MICU1: variants seen among roughly 807,000 people sequenced by gnomAD.
The protein encoded by MICU1 is calcium uptake protein 1, mitochondrial.
In MICU1, 45 loss-of-function variants were observed where a neutral mutation model predicts 56.8. The observed-to-expected ratio is 0.79, with a 90% CI of 0.62 to 1.02. The LOEUF is 1.02. MICU1 is among the 50% of genes least tolerant of loss of function. MICU1 has a pLI of 0.00. For missense variants in MICU1, 504 were observed against 587.1 expected, an observed-to-expected ratio of 0.86 and a Z score of 1.46; for synonymous variants, 186 against 195.1, an observed-to-expected ratio of 0.95 and a Z score of 0.39.
intron 3 of MICU1, among the ~76,000 whole-genome samples, chr10:72,557,476 A>G (rs1252682830): frequency 6.6e-6 from 1 of 152,244 alleles, no homozygotes; most frequent in Non-Finnish European, 1.5e-5. Flanking sequence ...TCAAGGCTCA[A>G]GATCACATTT....
intron 8 of MICU1, among the ~76,000 whole-genome samples, chr10:72,460,057 T>C (rs1865597093): frequency 6.6e-6 from 1 of 152,222 alleles, no homozygotes; most frequent in Non-Finnish European, 1.5e-5. Context: ...TTTACAGTGT[T>C]GCTAGAGTGA....
intron 6 of MICU1, among the ~76,000 whole-genome samples, chr10:72,507,738 C>T (rs912215898): frequency 6.6e-6 from 1 of 152,020 alleles, no homozygotes; most frequent in Non-Finnish European, 1.5e-5. Flanking sequence ...CTCCGCCTCC[C>T]AGGCTCAGGC....
chr10:72,569,220 TATATATA>T (rs1169792172), intron 1 of MICU1, among the ~76,000 whole-genome samples: 15 of 40,978 alleles, frequency 3.7e-4, no homozygotes, highest in Non-Finnish European at 4.7e-4. Context: ...TATATATATA[TATATATA>T]TATATATATA....
intron 5 of MICU1, among the ~76,000 whole-genome samples, chr10:72,520,144 C>A (rs1257131851): frequency 1.3e-5 from 2 of 151,986 alleles, no homozygotes; most frequent in Non-Finnish European, 2.9e-5. Context: ...TTCCAAATGA[C>A]AAATAGTATT....
intron 10 of MICU1, among the ~76,000 whole-genome samples, chr10:72,376,886 T>TTA (rs1420364597): frequency 2.0e-5 from 3 of 150,868 alleles, no homozygotes; most frequent in African/African-American, 2.4e-5. Flanking sequence ...ATTTTTATAT[T>TTA]TATATATATA....
chr10:72,564,139 G>A (rs746278741), intron 2 of MICU1, among the ~76,000 whole-genome samples: 3 of 152,108 alleles, frequency 2.0e-5, no homozygotes, highest in Non-Finnish European at 4.4e-5. Context: ...CCATAATGGA[G>A]CAAACGATAA....
intron 8 of MICU1, among the ~76,000 whole-genome samples, chr10:72,426,299 C>T (rs577378212): frequency 1.3e-5 from 2 of 152,270 alleles, no homozygotes; most frequent in East Asian, 3.9e-4. Context: ...AGATTACAGG[C>T]GTGAGCCACT....
At chr10:72,375,761 G>A (rs1862496205) in intron 11 of MICU1, 22 bp downstream of exon 11, 1 of 1,605,776 alleles carries the variant, frequency 6.2e-7, no homozygotes, top group Non-Finnish European at 8.5e-7. Context: ...TTCCCCTCCG[G>A]GCTCCAGAGG....
chr10:72,610,819 T>C (rs1273655274), intron 1 of MICU1, among the ~76,000 whole-genome samples: 1 of 152,104 alleles, frequency 6.6e-6, no homozygotes, highest in Non-Finnish European at 1.5e-5. Context: ...TGGAGGAGGT[T>C]AGAGGGTGAA....
chr10:72,618,260 T>C (rs1305989900), intron 1 of MICU1, among the ~76,000 whole-genome samples: 1 of 152,132 alleles, frequency 6.6e-6, no homozygotes, highest in Non-Finnish European at 1.5e-5. Context: ...CTAAAAATAA[T>C]TGCATACCTT....
intron 8 of MICU1, among the ~76,000 whole-genome samples, chr10:72,441,521 G>T (rs1398122105): frequency 7.0e-6 from 1 of 142,848 alleles, no homozygotes. Context: ...AACCTGCATT[G>T]TGCACATGTA....
chr10:72,480,229 T>A (rs902481809), intron 6 of MICU1, among the ~76,000 whole-genome samples: 4 of 152,000 alleles, frequency 2.6e-5, no homozygotes, highest in African/African-American at 9.7e-5. Flanking sequence ...CTGTGATGAG[T>A]TGAGAGTGAA....
chr10:72,621,302 A>G (rs1234173491), intron 1 of MICU1, among the ~76,000 whole-genome samples: 2 of 152,240 alleles, frequency 1.3e-5, no homozygotes, highest in African/African-American at 2.4e-5. Context: ...AGACTGACCA[A>G]CATGGTGAAA....
At chr10:72,605,014 T>A (rs3009538) in intron 1 of MICU1, among the ~76,000 whole-genome samples, 1 of 151,966 alleles carries the variant, frequency 6.6e-6, no homozygotes, top group Non-Finnish European at 1.5e-5. Flanking sequence ...GTACAATGCC[T>A]AACATGCAGC....
chr10:72,592,650 G>A (rs923442293), intron 1 of MICU1, among the ~76,000 whole-genome samples: 9 of 152,026 alleles, frequency 5.9e-5, no homozygotes, highest in Non-Finnish European at 7.4e-5. Context: ...TTTATTCCTA[G>A]AATCCAAGGA....
intron 8 of MICU1, among the ~76,000 whole-genome samples, chr10:72,427,733 A>AATAAATATATATATAT (rs1241632825): frequency 3.1e-4 from 42 of 136,318 alleles, no homozygotes; most frequent in East Asian, 2.6e-3. Flanking sequence ...CCATCTCTAA[A>AATAAATATATATATAT]ATATATATAT....
In MICU1 at chr10:72,601,852, T is replaced by C. The variant is rs1470880055; in HGVS notation, c.-2+24158A>G. On this transcript the variant is annotated intron_variant, in intron 1 of 11. Coordinates refer to ENST00000361114, the MANE Select transcript of MICU1 (RefSeq NM_001195518.2). ...TCTTGCTCTGTCACCCAGGGTGGAG[T>C]GCAGTAGCATGATCTCAGCTCACTG... Among the ~76,000 whole-genome samples, 3 of 151,030 alleles carry C rather than the reference T, an allele frequency of 2.0e-5. No homozygotes were observed. The East Asian group carries it at 5.9e-4, about 30-fold the overall frequency.
At chr10:72,483,102 CG>C (rs1866356857) in intron 6 of MICU1, 1 of 152,088 alleles carries the variant, frequency 6.6e-6, no homozygotes, top group Admixed American at 6.6e-5. Context: ...GTGATCCACC[CG>C]CCTTGGCCTC....
At chr10:72,554,785 C>T (rs1589336522) in intron 3 of MICU1, among the ~76,000 whole-genome samples, 1 of 152,286 alleles carries the variant, frequency 6.6e-6, no homozygotes, top group African/African-American at 2.4e-5. Flanking sequence ...GAAGCCAAGG[C>T]GGGTGGATCA....
Sources: allele counts gnomAD v4.1 joint callset (sites outside exome capture counted in the v4.1 genomes callset), GRCh38; gene constraint gnomAD v4.1.1; transcripts MANE v1.5; gene names NCBI Gene and HGNC (gene_info 2026-07-23, HGNC 2026-07-21).